Variants in ACO1 observed in about 807,000 individuals in gnomAD.
The protein encoded by ACO1 is cytoplasmic aconitate hydratase.
A neutral mutation model predicts 105.1 loss-of-function variants in ACO1; 78 were observed. The ratio of observed to expected loss-of-function variants is 0.74; its 90% CI spans 0.62 to 0.90. The LOEUF (loss-of-function observed/expected upper bound fraction) is 0.90, where lower values mean the gene tolerates loss of function less well. Ranked by LOEUF, ACO1 falls within the 40% of genes least tolerant of loss-of-function variation. The pLI, the probability that ACO1 is intolerant of heterozygous loss-of-function variation, is 0.00. For missense variants in ACO1, 965 were observed against 1,111.1 expected (o/e 0.87, Z 1.87); for synonymous variants, 364 against 397.4 (o/e 0.92, Z 1.00).
intron 10 of ACO1, among the ~76,000 whole-genome samples, 175 bp from the exon 11 acceptor site, chr9:32,425,663 T>C (rs1244162452): frequency 6.6e-6 from 1 of 152,232 alleles, no homozygotes; most frequent in Non-Finnish European, 1.5e-5. Flanking sequence ...CAGAGTTTAC[T>C]TGCAGAGATA....
chr9:32,400,762 A>G (rs934708214), intron 1 of ACO1, among the ~76,000 whole-genome samples: 1 of 152,240 alleles, frequency 6.6e-6, no homozygotes, highest in Non-Finnish European at 1.5e-5. Flanking sequence ...TAGTAAATGA[A>G]TGCATGCTTA....
chr9:32,434,283 AAG>A (rs1218451292), intron 16 of ACO1, among the ~76,000 whole-genome samples: 1 of 152,200 alleles, frequency 6.6e-6, no homozygotes, highest in African/African-American at 2.4e-5. Flanking sequence ...TAGGGATGTG[AAG>A]AGAGAGAATG....
chr9:32,402,297 T>A (rs1419642774), intron 1 of ACO1, among the ~76,000 whole-genome samples: 1 of 152,224 alleles, frequency 6.6e-6, no homozygotes, highest in Non-Finnish European at 1.5e-5. Flanking sequence ...TGATATATGC[T>A]AACTCTTCCC....
chr9:32,430,582 T>A lies in ACO1; in HGVS notation c.1726+8T>A. On this transcript the variant is annotated splice_region_variant and intron_variant, in intron 14 of 20. Coordinates refer to ENST00000309951, the MANE Select transcript of ACO1 (RefSeq NM_002197.3). ...TTGAGAAAGAGCCATTGGGTAAGAT[T>A]TTGTTTGTGCAGCCATAATTTTTTT... 6.3e-7 allele frequency: 1 copy of A among 1,594,020 alleles called. No individual in the cohort carries two copies. Among genetic ancestry groups the A allele is most frequent in the Middle Eastern group, 1.7e-4 (1 of 5,990 alleles).
intron 19 of ACO1, chr9:32,445,486 A>G: frequency 5.4e-6 from 1 of 185,962 alleles, no homozygotes; most frequent in South Asian, 6.6e-5. Context: ...TATTGCCTCT[A>G]TTTGATTCTT....
intron 4 of ACO1, among the ~76,000 whole-genome samples, chr9:32,413,948 G>C (rs1230648464): frequency 5.3e-5 from 8 of 152,034 alleles, no homozygotes; most frequent in Admixed American, 5.2e-4. Context: ...AGGAGATCAA[G>C]ACCATCCTGG....
intron 1 of ACO1, among the ~76,000 whole-genome samples, chr9:32,397,668 G>GCTAA (rs1012101674): frequency 2.0e-5 from 3 of 152,180 alleles, no homozygotes; most frequent in African/African-American, 7.2e-5. Flanking sequence ...ATGAAATATA[G>GCTAA]CTAACCTTTT....
intron 8 of ACO1, among the ~76,000 whole-genome samples, chr9:32,423,073 CT>C (rs1271420938): frequency 6.6e-6 from 1 of 152,122 alleles, no homozygotes; most frequent in Admixed American, 6.5e-5. Context: ...GAACCAGAAT[CT>C]TTTTCAGAAA....
intron 3 of ACO1, 122 bp downstream of exon 3, chr9:32,407,551 ATAT>A: frequency 2.1e-6 from 2 of 931,556 alleles, no homozygotes; most frequent in East Asian, 5.4e-5. Flanking sequence ...TGACTATATA[ATAT>A]TATATACCCA....
At chr9:32,397,284 G>A (rs7028748) in intron 1 of ACO1, among the ~76,000 whole-genome samples, 118,746 of 152,124 alleles carry the variant, frequency 0.78, 47,125 homozygotes, top group Middle Eastern at 0.91. Flanking sequence ...AATTGCTCAT[G>A]TGACTTCTCC....
At chr9:32,386,246 A>G (rs1821154286) in intron 1 of ACO1, 2 of 152,238 alleles carry the variant, frequency 1.3e-5, no homozygotes, top group South Asian at 4.1e-4. Flanking sequence ...CCAAAAGAAC[A>G]AGGAGGCATG....
intron 4 of ACO1, among the ~76,000 whole-genome samples, chr9:32,414,147 C>G (rs933292087): frequency 6.6e-6 from 1 of 151,510 alleles, no homozygotes; most frequent in Admixed American, 6.6e-5. Flanking sequence ...AGTGAGACTC[C>G]GTCTCAAAAA....
chr9:32,418,689 A>G (rs145069089), intron 6 of ACO1, among the ~76,000 whole-genome samples, 178 bp downstream of exon 6: 95 of 152,250 alleles, frequency 6.2e-4, no homozygotes, highest in African/African-American at 2.2e-3. Context: ...CAGGCACTCA[A>G]TAATTATGCT....
At chr9:32,390,908 C>A (rs946979548) in intron 1 of ACO1, among the ~76,000 whole-genome samples, 2 of 152,172 alleles carry the variant, frequency 1.3e-5, no homozygotes, top group Non-Finnish European at 2.9e-5. Flanking sequence ...CCCCTCACCT[C>A]CCCCCACCAG....
intron 19 of ACO1, among the ~76,000 whole-genome samples, chr9:32,446,307 G>C (rs1368638877): frequency 6.6e-6 from 1 of 152,158 alleles, no homozygotes; most frequent in Non-Finnish European, 1.5e-5. Context: ...AGGATAGTTA[G>C]CTCTTCTTGT....
chr9:32,444,652 C>A (rs573625726), intron 19 of ACO1, among the ~76,000 whole-genome samples: 4 of 152,194 alleles, frequency 2.6e-5, no homozygotes, highest in African/African-American at 9.6e-5. Flanking sequence ...ATCCTTCACC[C>A]ACTTTTTGAT....
At chr9:32,395,572 G>A (rs1355619566) in intron 1 of ACO1, among the ~76,000 whole-genome samples, 2 of 152,172 alleles carry the variant, frequency 1.3e-5, no homozygotes, top group African/African-American at 4.8e-5. Context: ...TGACCATAGG[G>A]AGCTGCAGGG....
intron 1 of ACO1, among the ~76,000 whole-genome samples, chr9:32,385,533 A>T (rs566337808): frequency 2.5e-4 from 38 of 152,344 alleles, no homozygotes; most frequent in Admixed American, 2.0e-4. Context: ...AAGAATAGTG[A>T]ACTAATTATA....
intron 12 of ACO1, among the ~76,000 whole-genome samples, 168 bp from the exon 13 acceptor site, chr9:32,429,251 A>G (rs1822171833): frequency 6.6e-6 from 1 of 152,228 alleles, no homozygotes; most frequent in African/African-American, 2.4e-5. Context: ...TATGTTATAT[A>G]TCAGAATGCT....
Sources: gnomAD v4.1 joint callset for allele counts (sites outside exome capture counted in the v4.1 genomes callset) on GRCh38, gnomAD v4.1.1 for gene constraint, MANE v1.5 for transcripts, NCBI Gene and HGNC (gene_info 2026-07-23, HGNC 2026-07-21) for gene names.